The following EPSTI1 variants were observed in gnomAD, a reference collection of about 807,000 sequenced individuals.
The protein encoded by EPSTI1 is epithelial-stromal interaction protein 1.
A neutral mutation model predicts 49.9 loss-of-function variants in EPSTI1; 66 were observed. The ratio of observed to expected loss-of-function variants is 1.32; its 90% confidence interval spans 1.08 to 1.62. The LOEUF is 1.62. Ranked by LOEUF, EPSTI1 falls within the 40% of genes most tolerant of loss-of-function variation. The probability of loss-of-function intolerance (pLI) is 0.00; values close to 1 mark genes in which losing one functional copy is unlikely to be tolerated. For missense variants in EPSTI1, 394 were observed against 365.5 expected (o/e 1.08, Z -0.64); for synonymous variants, 137 against 130.7 (o/e 1.05, Z -0.33).
chr13:42,977,713 A>G (rs1467147237), intron 1 of EPSTI1, among the ~76,000 whole-genome samples: 4 of 152,160 alleles, frequency 2.6e-5, no homozygotes, highest in Admixed American at 6.5e-5. Context: ...TCAAACCCTA[A>G]TTCTGTTATT....
chr13:42,989,932 T>C (rs2040164933), intron 1 of EPSTI1, among the ~76,000 whole-genome samples: 1 of 152,064 alleles, frequency 6.6e-6, no homozygotes, highest in Non-Finnish European at 1.5e-5. Flanking sequence ...CTAATTTTTA[T>C]CCCCAAAATA....
chr13:42,915,833 TAA>T (rs1454960512), intron 8 of EPSTI1, among the ~76,000 whole-genome samples: 1 of 151,898 alleles, frequency 6.6e-6, no homozygotes, highest in East Asian at 1.9e-4. Context: ...GATTAAGAAA[TAA>T]AAAGTTTAAT....
intron 1 of EPSTI1, among the ~76,000 whole-genome samples, chr13:42,972,617 T>C (rs1359012737): frequency 6.6e-6 from 1 of 152,214 alleles, no homozygotes; most frequent in Non-Finnish European, 1.5e-5. Flanking sequence ...GCATAAAATA[T>C]GACCATCCTT....
At chr13:42,965,240 G>A (rs11147893) in intron 3 of EPSTI1, among the ~76,000 whole-genome samples, 1 of 152,116 alleles carries the variant, frequency 6.6e-6, no homozygotes, top group African/African-American at 2.4e-5. Flanking sequence ...GAAATGGAGA[G>A]AGCCAGATGT....
Position 42,922,508 on chromosome 13 carries a change from GC to G in EPSTI1, c.657+3827del, listed in dbSNP as rs1369950358. Among the ~76,000 whole-genome samples, 3 of 151,948 alleles carry G rather than the reference GC, an allele frequency of 2.0e-5. No homozygotes were observed. The highest frequency in any genetic ancestry group is 1.3e-4 in the Admixed American group (2 of 15,272). ...GACAGGGGACAGATGCCCCCCGGAA[GC>G]TTCAAAAGGAACCATTCCTGTTGAT... On this transcript the variant is annotated intron_variant, in intron 7 of 10. Transcript: ENST00000313624. The surrounding 1 kb of genome is among the most constrained non-coding windows in gnomAD (Gnocchi z 4.8).
chr13:42,909,791 T>C (rs1428775088), intron 8 of EPSTI1, among the ~76,000 whole-genome samples: 4 of 151,988 alleles, frequency 2.6e-5, no homozygotes, highest in Admixed American at 6.6e-5. Flanking sequence ...GAGGAAATGG[T>C]GAAGTACAGG....
At chr13:42,968,616 A>G (rs1216054239) in intron 3 of EPSTI1, among the ~76,000 whole-genome samples, 1 of 152,132 alleles carries the variant, frequency 6.6e-6, no homozygotes, top group East Asian at 1.9e-4. Flanking sequence ...ATAAAAACAC[A>G]GGTGATGTTT....
At chr13:42,951,309 A>G (rs1017223168) in intron 6 of EPSTI1, among the ~76,000 whole-genome samples, 1 of 152,216 alleles carries the variant, frequency 6.6e-6, no homozygotes, top group Admixed American at 6.5e-5. Context: ...TGCTTATTTC[A>G]TGAGTTATTG....
chr13:42,981,232 T>C (rs2039981682), intron 1 of EPSTI1, among the ~76,000 whole-genome samples: 1 of 152,218 alleles, frequency 6.6e-6, no homozygotes, highest in Non-Finnish European at 1.5e-5. Context: ...ATTATTTTCT[T>C]TCCTCTTAAG....
At chr13:42,915,728 AATTT>A (rs1439850023) in intron 8 of EPSTI1, among the ~76,000 whole-genome samples, 10 of 152,232 alleles carry the variant, frequency 6.6e-5, no homozygotes, top group Admixed American at 4.6e-4. Flanking sequence ...TAAACGAAAT[AATTT>A]ATGTAAAAGG....
chr13:42,969,236 C>G, intron 2 of EPSTI1, 59 bp from the exon 3 acceptor site: 1 of 1,513,852 alleles, frequency 6.6e-7, no homozygotes, highest in Non-Finnish European at 9.1e-7. Context: ...GAAAACCAGT[C>G]CCTTCAAAGC....
At chr13:42,900,162 A>G (rs906787765) in intron 9 of EPSTI1, 148 bp downstream of exon 9, 2 of 690,938 alleles carry the variant, frequency 2.9e-6, no homozygotes, top group Admixed American at 2.4e-5. Flanking sequence ...ATACCTCTAC[A>G]TATATCACGT....
At chr13:42,991,343 T>C (rs1440965780) in intron 1 of EPSTI1, 1 of 153,142 alleles carries the variant, frequency 6.5e-6, no homozygotes, top group African/African-American at 2.4e-5. Context: ...TGGAGTGCAA[T>C]GGCGCAATTT....
At chr13:42,975,233 A>C (rs1041522206) in intron 1 of EPSTI1, among the ~76,000 whole-genome samples, 2 of 152,226 alleles carry the variant, frequency 1.3e-5, no homozygotes, top group African/African-American at 4.8e-5. Context: ...TTGTTCATAC[A>C]TAGATCAAAT....
intron 8 of EPSTI1, among the ~76,000 whole-genome samples, chr13:42,901,133 C>CA (rs1411146258): frequency 4.6e-5 from 7 of 151,648 alleles, no homozygotes; most frequent in Middle Eastern, 3.4e-3. Flanking sequence ...ATTTCAAAGA[C>CA]AAAAAAAATG....
At chr13:42,913,728 TC>T (rs1158636926) in intron 8 of EPSTI1, among the ~76,000 whole-genome samples, 1 of 152,198 alleles carries the variant, frequency 6.6e-6, no homozygotes, top group African/African-American at 2.4e-5. Context: ...ATTTGACACA[TC>T]ACTCTGAAAT....
At chr13:42,890,296 CTTTTTT>C (rs71202241) in intron 10 of EPSTI1, among the ~76,000 whole-genome samples, 1 of 116,306 alleles carries the variant, frequency 8.6e-6, no homozygotes, top group South Asian at 2.8e-4. Flanking sequence ...TTTTTCTTTT[CTTTTTT>C]TTTTTTTTTT....
At chr13:42,932,377 C>G (rs1464049312) in intron 6 of EPSTI1, among the ~76,000 whole-genome samples, 2 of 152,152 alleles carry the variant, frequency 1.3e-5, no homozygotes, top group East Asian at 3.9e-4. Context: ...TTACACATTC[C>G]TATTTATCTC....
At chr13:42,914,021 A>G (rs776246692) in intron 8 of EPSTI1, among the ~76,000 whole-genome samples, 10 of 152,102 alleles carry the variant, frequency 6.6e-5, no homozygotes, top group Non-Finnish European at 1.2e-4. Context: ...CCACGATTCT[A>G]AGTTTCCTGA....
Sources: allele counts gnomAD v4.1 joint callset (sites outside exome capture counted in the v4.1 genomes callset), GRCh38; gene constraint gnomAD v4.1.1; non-coding constraint Gnocchi (gnomAD v3.1); transcripts MANE v1.5; gene names NCBI Gene and HGNC (gene_info 2026-07-23, HGNC 2026-07-21).